SENP1: variants seen among roughly 807,000 people sequenced by gnomAD.
SENP1 encodes sentrin-specific protease 1.
In SENP1, 21 loss-of-function variants were observed where a neutral mutation model predicts 93.0. The observed-to-expected ratio is 0.23, with a 90% CI of 0.16 to 0.33. The LOEUF is 0.33. SENP1 is among the 10% of genes least tolerant of loss of function. The pLI is 1.00. For missense variants in SENP1, 591 were observed against 758.7 expected (o/e 0.78, Z 2.60); for synonymous variants, 256 against 259.6 (o/e 0.99, Z 0.13).
At chr12:48,084,452 T>TTG (rs1944699929) in intron 5 of SENP1, among the ~76,000 whole-genome samples, 1 of 114,568 alleles carries the variant, frequency 8.7e-6, no homozygotes, top group Non-Finnish European at 1.8e-5. Context: ...TTTGAGTTTT[T>TTG]TTTTTTTTTT....
Position 48,074,390 on chromosome 12 carries a change from G to C in SENP1, c.874C>G (p.Pro292Ala). Residue 292 changes from proline to alanine, a missense_variant, in exon 8 of 18, where the codon CCC (proline) becomes GCC (alanine). Pro to Ala is a conservative substitution (Grantham distance 27, BLOSUM62 -1). This residue lies in a region of SENP1 where 238 missense variants were observed against 259.1 expected (regional missense o/e 0.92). Transcript: ENST00000549518. ...GSKDSGTLHH[P>A]HHHHSVPHQP... is the part of the protein sequence containing the mutation. ...TGTGGAACAGAGTGGTGATGATGGG[G>C]ATGATGAAGAGTACCAGAATCTTTG... The C allele has an allele frequency of 6.2e-7, 1 of 1,613,790 alleles. No homozygotes were observed.
intron 6 of SENP1, among the ~76,000 whole-genome samples, chr12:48,078,317 T>TTTTATATATATATATATA (rs1944243783): frequency 1.4e-5 from 1 of 70,742 alleles, no homozygotes; most frequent in South Asian, 6.5e-4. Flanking sequence ...CTGTAGGATT[T>TTTTATATATATATATATA]TATATATATA....
At chr12:48,105,516 G>A (rs1946463736) in intron 1 of SENP1, 1 of 519,120 alleles carries the variant, frequency 1.9e-6, no homozygotes, top group Non-Finnish European at 3.8e-6. Flanking sequence ...TCACATCTCA[G>A]GGAGATACCA....
At position 48,065,071 on chromosome 12, in the gene SENP1, A is replaced by G; in HGVS notation, c.1269T>C (p.Ile423=). Residue 423 remains isoleucine (I), a synonymous_variant, in exon 12 of 18, where the codon ATT becomes ATC. Coordinates refer to ENST00000549518, the MANE Select transcript of SENP1 (RefSeq NM_001267594.2). ...TTAAGTGTATGTAACTTACCTCTGT[A>G]ATTTCAGGAAATTCATCTTCACTAT... ...LTDSEDEFPE[I]TEEMEKEIKN... 2 of 1,590,386 alleles carry G rather than the reference A, an allele frequency of 1.3e-6. No homozygotes were observed. The highest frequency in any genetic ancestry group is 1.7e-6 in the Non-Finnish European group (2 of 1,158,948).
At chr12:48,047,136 G>T in intron 15 of SENP1, 74 bp from the exon 16 acceptor site, 1 of 898,366 alleles carries the variant, frequency 1.1e-6, no homozygotes, top group Non-Finnish European at 1.8e-6. Context: ...GAATGGGGCT[G>T]ACAATACCTA....
intron 2 of SENP1, among the ~76,000 whole-genome samples, chr12:48,098,355 A>G (rs1945702326): frequency 6.6e-6 from 1 of 151,962 alleles, no homozygotes; most frequent in Admixed American, 6.6e-5. Flanking sequence ...TTTAAAAATT[A>G]GCCAGCAGGT....
At chr12:48,093,518 C>T (rs968407082) in intron 4 of SENP1, among the ~76,000 whole-genome samples, 2 of 151,654 alleles carry the variant, frequency 1.3e-5, no homozygotes, top group Admixed American at 6.6e-5. Flanking sequence ...GCCTGACCTC[C>T]GGTGATCCAC....
chr12:48,073,642 A>G (rs1295434115), intron 8 of SENP1, among the ~76,000 whole-genome samples: 1 of 152,222 alleles, frequency 6.6e-6, no homozygotes, highest in Non-Finnish European at 1.5e-5. Context: ...AAAGAGAGTG[A>G]ATATTTCAGT....
rs541659589 is a variant in SENP1 at position 48,071,769 on chromosome 12, T to C, written c.941-48A>G. ...CATTAGTAATAAAACTCCACAAAGT[T>C]ATACTTTCTAGATATCTTAGTTTAA... is the stretch of plus-strand genomic sequence containing the variant. On this transcript the variant is annotated intron_variant, in intron 8 of 17. Coordinates refer to ENST00000549518, the MANE Select transcript of SENP1 (RefSeq NM_001267594.2). 5 of 1,269,162 alleles carry C rather than the reference T, an allele frequency of 3.9e-6. No individual in the cohort carries two copies. In the Admixed American group the frequency reaches 5.6e-5, roughly 14 times the overall value. 78.6% of individuals were successfully genotyped at this position (1,269,162 alleles called of 1,614,324 possible). A position where few individuals can be genotyped will look rare whatever the true frequency, so the allele number is the denominator to read the frequency against.
chr12:48,063,630 T>C, intron 13 of SENP1, 80 bp downstream of exon 13: 1 of 1,434,448 alleles, frequency 7.0e-7, no homozygotes, highest in East Asian at 2.3e-5. Context: ...GACCACATTT[T>C]GAGAAAAAGT....
At chr12:48,105,854 GC>G (rs1946516746) in intron 1 of SENP1, 173 bp downstream of exon 1, 1 of 602,816 alleles carries the variant, frequency 1.7e-6, no homozygotes, top group Admixed American at 3.0e-5. Flanking sequence ...CCACCGGACA[GC>G]AGGGGGGAGG....
chr12:48,086,477 C>T (rs914527160), intron 5 of SENP1, among the ~76,000 whole-genome samples: 22 of 152,046 alleles, frequency 1.4e-4, no homozygotes, highest in African/African-American at 4.8e-4. Context: ...TCAAGTCACA[C>T]GGGAAAAAAC....
rs1943930159 is a variant in SENP1 at position 48,074,547 on chromosome 12, G to A, written c.717C>T (p.Asn239=). Residue 239 remains asparagine, a synonymous_variant, in exon 8 of 18, where the codon AAC becomes AAT. Coordinates refer to ENST00000549518, the MANE Select transcript of SENP1 (RefSeq NM_001267594.2). ...TLKDSLFKNG[N]SCASQIIGSD... is the part of the protein sequence containing the mutation. ...AGCCAATGATCTGAGATGCACAAGA[G>A]TTTCCATTTTTAAACAGTGAGTCTT... 2 of 1,613,712 alleles carry A rather than the reference G, an allele frequency of 1.2e-6. No individual in the cohort carries two copies. Among genetic ancestry groups the A allele is most frequent in the East Asian group, 2.2e-5 (1 of 44,866 alleles).
intron 13 of SENP1, among the ~76,000 whole-genome samples, chr12:48,056,489 A>G (rs1027238732): frequency 4.0e-5 from 4 of 98,932 alleles, no homozygotes; most frequent in African/African-American, 9.2e-5. Context: ...TTAATATATT[A>G]CATATTACAT....
chr12:48,045,199 T>C lies in SENP1; in HGVS notation c.*123A>G. The C allele has an allele frequency of 5.5e-6, 4 of 733,280 alleles. No individual in the cohort carries two copies. The allele number at this position is 733,280 out of a possible 1,614,324, so 45.4% of individuals were successfully genotyped here. ...CTTGTGAATGCATCTCGCCAGGGCC[T>C]GGTCCAGGATCAAGGGTGTTACAAC... On this transcript the variant is annotated 3_prime_UTR_variant, in exon 18 of 18. Coordinates refer to ENST00000549518, the MANE Select transcript of SENP1 (RefSeq NM_001267594.2).
intron 1 of SENP1, chr12:48,105,682 G>A (rs1946487711): frequency 2.2e-6 from 1 of 445,490 alleles, no homozygotes; most frequent in South Asian, 2.1e-5. Context: ...CAGCTCTGGC[G>A]GGAAAGCCCC....
intron 6 of SENP1, among the ~76,000 whole-genome samples, chr12:48,082,039 G>A (rs1944528706): frequency 6.6e-6 from 1 of 151,888 alleles, no homozygotes; most frequent in South Asian, 2.1e-4. Flanking sequence ...ACAGGCGCCC[G>A]CCACCACGCC....
intron 6 of SENP1, among the ~76,000 whole-genome samples, chr12:48,078,334 T>TATATATATATACACAC: frequency 1.3e-4 from 9 of 67,908 alleles, no homozygotes; most frequent in Non-Finnish European, 2.1e-4. Flanking sequence ...TATATATATA[T>TATATATATATACACAC]ACACACACAT....
intron 10 of SENP1, 125 bp downstream of exon 10, chr12:48,066,802 G>A (rs1327139321): frequency 2.7e-5 from 20 of 752,288 alleles, no homozygotes; most frequent in African/African-American, 1.6e-4. Flanking sequence ...GTGAGCCACC[G>A]CGCCCAGCCT....
Sources: gnomAD v4.1 joint callset for allele counts (sites outside exome capture counted in the v4.1 genomes callset) on GRCh38, gnomAD v4.1.1 for gene constraint, gnomAD v4.1.1 regional missense constraint, MANE v1.5 for transcripts, NCBI Gene and HGNC (gene_info 2026-07-23, HGNC 2026-07-21) for gene names.